HDHD2: variants seen among roughly 807,000 people sequenced by gnomAD.
The protein encoded by HDHD2 is haloacid dehalogenase like hydrolase domain containing 2, also known as haloacid dehalogenase-like hydrolase domain-containing protein 2.
In HDHD2, 26 loss-of-function variants were observed where a neutral mutation model predicts 24.8. The observed-to-expected ratio is 1.05, with a 90% confidence interval of 0.77 to 1.45. The LOEUF (loss-of-function observed/expected upper bound fraction) is 1.45. Ranked by LOEUF, HDHD2 falls within the 40% of genes most tolerant of loss-of-function variation. The pLI, the probability that HDHD2 is intolerant of heterozygous loss-of-function variation, is 0.00. For synonymous variants in HDHD2, 128 were observed against 114.9 expected, an observed-to-expected ratio of 1.11 and a Z score of -0.73; for missense variants, 299 against 313.4, an observed-to-expected ratio of 0.95 and a Z score of 0.35.
rs141296593 is a variant in HDHD2 at position 47,118,859 on chromosome 18, C to T, written c.396-3511G>A. On this transcript the variant is annotated intron_variant, in intron 4 of 6. Transcript: ENST00000300605. Reference sequence around the variant, plus strand: ...CAATCAAGGAGAGCTAGAACCAGTGCTGGAAGCTGGAACCTGAAAACCAAT... The same window carrying T: ...CAATCAAGGAGAGCTAGAACCAGTGTTGGAAGCTGGAACCTGAAAACCAAT... Among the ~76,000 whole-genome samples, 43 of 152,248 alleles carry T rather than the reference C, an allele frequency of 2.8e-4. 1 individual carries two copies. The highest frequency in any genetic ancestry group is 1.0e-3 in the African/African-American group (43 of 41,542).
In HDHD2 at chr18:47,135,896, T is replaced by G. The variant is rs2063761469; in HGVS notation, c.101+443A>C. Among the ~76,000 whole-genome samples, 2 of 152,236 alleles carry G rather than the reference T, an allele frequency of 1.3e-5. 1 individual carries two copies. The highest frequency in any genetic ancestry group is 2.9e-5 in the Non-Finnish European group (2 of 68,036). ...TAGTTGATGGAAATAACACAAAAAT[T>G]TCAAGTTCTTTAGCTAAACTTTATT... On this transcript the variant is annotated intron_variant, in intron 2 of 6. Coordinates refer to ENST00000300605, the MANE Select transcript of HDHD2 (RefSeq NM_032124.5).
At position 47,112,723 on chromosome 18, in the gene HDHD2, A is replaced by T. The variant is rs115809438; in HGVS notation, c.676+254T>A. Among the ~76,000 whole-genome samples, 1,032 of 152,314 alleles carry T rather than the reference A, an allele frequency of 6.8e-3. 10 individuals carry two copies. The highest frequency in any genetic ancestry group is 0.026 in the East Asian group (133 of 5,178). On this transcript the variant is annotated intron_variant, in intron 6 of 6. Coordinates refer to ENST00000300605, the MANE Select transcript of HDHD2 (RefSeq NM_032124.5). ...GTGAACTGTACATCCAGGAAATAAT[A>T]TAAATGCTGTCAACCAGGAATGGTT...
At chr18:47,132,794 C>T (rs1319422732) in intron 3 of HDHD2, among the ~76,000 whole-genome samples, 1 of 152,156 alleles carries the variant, frequency 6.6e-6, no homozygotes, top group African/African-American at 2.4e-5. Flanking sequence ...CTTTCAGAAT[C>T]GGTTGACTTT....
chr18:47,111,695 C>A, intron 6 of HDHD2: 2 of 985,276 alleles, frequency 2.0e-6, no homozygotes, highest in Non-Finnish European at 1.2e-6. Flanking sequence ...CACTTCAGGC[C>A]CCAGGAGCAA....
At chr18:47,110,055 C>A in intron 6 of HDHD2, 2 of 985,462 alleles carry the variant, frequency 2.0e-6, no homozygotes, top group Non-Finnish European at 2.4e-6. Flanking sequence ...TCTCCTTGCT[C>A]TCTCATCCCT....
intron 4 of HDHD2, among the ~76,000 whole-genome samples, chr18:47,128,527 G>A (rs1438578766): frequency 6.6e-6 from 1 of 152,128 alleles, no homozygotes; most frequent in Non-Finnish European, 1.5e-5. Flanking sequence ...AAAAGGCAGG[G>A]GAAGCAAAAG....
chr18:47,132,996 T>C (rs1345557675), intron 3 of HDHD2, among the ~76,000 whole-genome samples: 1 of 152,194 alleles, frequency 6.6e-6, no homozygotes, highest in Non-Finnish European at 1.5e-5. Context: ...GTGTTCGTTT[T>C]TTTATTTCCA....
chr18:47,110,341 G>A, intron 6 of HDHD2: 2 of 985,404 alleles, frequency 2.0e-6, no homozygotes, highest in Non-Finnish European at 2.4e-6. Context: ...GCACCCTGAA[G>A]GCACCTGTCC....
At chr18:47,140,646 G>A (rs1310495898) in intron 1 of HDHD2, among the ~76,000 whole-genome samples, 1 of 152,022 alleles carries the variant, frequency 6.6e-6, no homozygotes, top group African/African-American at 2.4e-5. Context: ...GGCCTCCCAA[G>A]TAGCTGTTTC....
chr18:47,113,163 A>AAAGAG, intron 5 of HDHD2, 123 bp from the exon 6 acceptor site: 1 of 785,078 alleles, frequency 1.3e-6, no homozygotes, highest in South Asian at 1.5e-5. Flanking sequence ...TTGAAATAGA[A>AAAGAG]AAGAGAAGAT....
At chr18:47,132,723 C>T (rs1030377443) in intron 3 of HDHD2, among the ~76,000 whole-genome samples, 1 of 152,200 alleles carries the variant, frequency 6.6e-6, no homozygotes, top group East Asian at 1.9e-4. Context: ...TGTGCCATTG[C>T]ACTCTAAGTA....
chr18:47,110,501 G>T, intron 6 of HDHD2: 2 of 984,696 alleles, frequency 2.0e-6, no homozygotes, highest in Non-Finnish European at 2.4e-6. Flanking sequence ...TGGATCCAGT[G>T]GTCTAAGAGA....
At chr18:47,111,288 A>G (rs1035831473) in intron 6 of HDHD2, 1 of 985,090 alleles carries the variant, frequency 1.0e-6, no homozygotes. Flanking sequence ...AGTGGAGACC[A>G]GCTGGGGGAG....
intron 2 of HDHD2, among the ~76,000 whole-genome samples, chr18:47,135,834 G>C (rs536300449): frequency 6.6e-6 from 1 of 152,252 alleles, no homozygotes; most frequent in African/African-American, 2.4e-5. Context: ...GTTGGTACAT[G>C]AGAAATATAA....
rs115134434 is a variant in HDHD2 at position 47,130,874 on chromosome 18, A to T, written c.311-546T>A. On this transcript the variant is annotated intron_variant, in intron 3 of 6. Coordinates refer to ENST00000300605, the MANE Select transcript of HDHD2 (RefSeq NM_032124.5). ...GCCTTATCTACTTTTAGTTTCAGAAATATTATTTTAAAATTAAAGTATGTT... is the reference window on the plus strand; with the variant it reads ...GCCTTATCTACTTTTAGTTTCAGAATTATTATTTTAAAATTAAAGTATGTT... Among the ~76,000 whole-genome samples, 1,489 of 152,332 alleles carry T rather than the reference A, an allele frequency of 9.8e-3. 22 individuals carry two copies. Among genetic ancestry groups the T allele is most frequent in the African/African-American group, 0.034 (1,420 of 41,562 alleles).
In HDHD2 at chr18:47,141,174, C is replaced by T. The variant is rs141035705; in HGVS notation, c.-10-4725G>A. On this transcript the variant is annotated intron_variant, in intron 1 of 6. Transcript: ENST00000300605. ...TGCTAAAAATTTTTGTCATAAATGGCTATTGGATTTTACCTACTACTTTTT... is the reference window on the plus strand; with the variant it reads ...TGCTAAAAATTTTTGTCATAAATGGTTATTGGATTTTACCTACTACTTTTT... Among the ~76,000 whole-genome samples, 625 of 152,312 alleles carry T rather than the reference C, an allele frequency of 4.1e-3. 2 individuals carry two copies. The highest frequency in any genetic ancestry group is 0.015 in the African/African-American group (606 of 41,572).
chr18:47,118,522 G>A (rs891458726), intron 4 of HDHD2, among the ~76,000 whole-genome samples: 4 of 152,124 alleles, frequency 2.6e-5, no homozygotes, highest in Admixed American at 1.3e-4. Context: ...ATAAGTGGGA[G>A]CCGAGCAATG....
chr18:47,133,146 T>TC (rs1330748985), intron 3 of HDHD2, among the ~76,000 whole-genome samples: 6 of 137,914 alleles, frequency 4.4e-5, no homozygotes, highest in African/African-American at 1.6e-4. Context: ...CCCTCCCCAC[T>TC]CCCCCCACCC....
intron 6 of HDHD2, chr18:47,109,355 C>T (rs1351268475): frequency 1.3e-5 from 2 of 152,588 alleles, no homozygotes; most frequent in Admixed American, 1.3e-4. Flanking sequence ...GCCTGACTCT[C>T]CCAACCGTGG....
Sources: gnomAD v4.1 joint callset for allele counts (sites outside exome capture counted in the v4.1 genomes callset) on GRCh38, gnomAD v4.1.1 for gene constraint, MANE v1.5 for transcripts, NCBI Gene and HGNC (gene_info 2026-07-23, HGNC 2026-07-21) for gene names.